Variants in LRP1B observed in about 807,000 individuals in gnomAD.
LRP1B encodes the protein low-density lipoprotein receptor-related protein 1B.
In LRP1B, 217 loss-of-function variants were observed where a neutral mutation model predicts 556.6. The observed-to-expected ratio is 0.39, with a 90% CI of 0.35 to 0.44. The LOEUF (loss-of-function observed/expected upper bound fraction) is 0.44, where lower values mean the gene tolerates loss of function less well. LRP1B is among the 20% of genes least tolerant of loss of function. LRP1B has a pLI of 1.00. For synonymous variants in LRP1B, 2,047 were observed against 1,865.8 expected (o/e 1.10, Z -2.50); for missense variants, 5,053 against 5,620.8 (o/e 0.90, Z 3.23).
intron 44 of LRP1B, among the ~76,000 whole-genome samples, chr2:140,541,577 A>G (rs1169241780): frequency 6.6e-6 from 1 of 152,150 alleles, no homozygotes; most frequent in African/African-American, 2.4e-5. Context: ...AATATTTCAG[A>G]TAATTTCAAT....
intron 2 of LRP1B, among the ~76,000 whole-genome samples, chr2:141,704,675 C>A (rs1391538341): frequency 6.6e-6 from 1 of 151,894 alleles, no homozygotes; most frequent in East Asian, 1.9e-4. Context: ...AGACTAGATG[C>A]CTGAAAGCAT....
chr2:141,311,001 G>C (rs1034126806), intron 3 of LRP1B, among the ~76,000 whole-genome samples: 1 of 152,068 alleles, frequency 6.6e-6, no homozygotes, highest in African/African-American at 2.4e-5. Flanking sequence ...TCCTTTTTCT[G>C]ATTCACAGCC....
chr2:140,721,899 A>G (rs951805397), intron 35 of LRP1B, among the ~76,000 whole-genome samples: 1 of 151,758 alleles, frequency 6.6e-6, no homozygotes, highest in Non-Finnish European at 1.5e-5. Flanking sequence ...TATATATTTA[A>G]GTATATAAAT....
chr2:140,466,404 A>G (rs967772318), intron 60 of LRP1B, among the ~76,000 whole-genome samples: 1 of 152,164 alleles, frequency 6.6e-6, no homozygotes, highest in African/African-American at 2.4e-5. Flanking sequence ...GCCCCCTCAC[A>G]ACACAAACTG....
At chr2:140,553,961 A>G (rs1680638944) in intron 43 of LRP1B, among the ~76,000 whole-genome samples, 1 of 152,102 alleles carries the variant, frequency 6.6e-6, no homozygotes, top group Admixed American at 6.6e-5. Context: ...GACGGGAAAG[A>G]GAGCCAGTTT....
intron 7 of LRP1B, among the ~76,000 whole-genome samples, chr2:141,166,600 G>A (rs1298645923): frequency 6.6e-6 from 1 of 150,764 alleles, no homozygotes. Context: ...TAATCACCCT[G>A]GTGTGCTATC....
intron 66 of LRP1B, among the ~76,000 whole-genome samples, chr2:140,391,856 G>A (rs184936949): frequency 1.1e-4 from 16 of 152,168 alleles, no homozygotes; most frequent in African/African-American, 3.6e-4. Context: ...TAATTAAAAT[G>A]AAACAGAATT....
chr2:141,702,323 C>G (rs1482005965), intron 2 of LRP1B, among the ~76,000 whole-genome samples: 1 of 151,788 alleles, frequency 6.6e-6, no homozygotes, highest in Non-Finnish European at 1.5e-5. Context: ...TTCTGGCAAA[C>G]TAGAGGGATG....
chr2:141,020,172 T>C (rs1020949481), intron 11 of LRP1B, 70 bp from the exon 12 acceptor site: 63 of 946,198 alleles, frequency 6.7e-5, no homozygotes, highest in Non-Finnish European at 8.8e-5. Flanking sequence ...TCACTACTAA[T>C]AGCTACCTAA....
intron 2 of LRP1B, among the ~76,000 whole-genome samples, chr2:141,600,898 G>A (rs1276399520): frequency 6.6e-6 from 1 of 152,010 alleles, no homozygotes; most frequent in African/African-American, 2.4e-5. Flanking sequence ...ACAGAACCTG[G>A]GGTCAGCTGC....
chr2:141,104,237 T>C (rs1277203649), intron 7 of LRP1B, among the ~76,000 whole-genome samples: 2 of 152,066 alleles, frequency 1.3e-5, no homozygotes, highest in Non-Finnish European at 2.9e-5. Context: ...GATTATGGCA[T>C]ATGTATCCCC....
chr2:141,022,582 A>T (rs1162734141), intron 11 of LRP1B, among the ~76,000 whole-genome samples: 1 of 151,904 alleles, frequency 6.6e-6, no homozygotes, highest in Non-Finnish European at 1.5e-5. Flanking sequence ...TGTACGTTTG[A>T]TATTTTATTC....
chr2:141,810,165 GAAGGAAAGAA>G, intron 2 of LRP1B, 104 bp downstream of exon 2: 1 of 365,314 alleles, frequency 2.7e-6, no homozygotes, highest in Non-Finnish European at 3.6e-6. Context: ...AAGAAAGAAA[GAAGGAAAGAA>G]AGAAAGAAAG....
intron 1 of LRP1B, among the ~76,000 whole-genome samples, chr2:142,086,639 A>C (rs1227739956): frequency 7.0e-4 from 33 of 47,140 alleles, no homozygotes; most frequent in African/African-American, 1.8e-3. Flanking sequence ...AAACAAACAA[A>C]CAAAAAAAAA....
chr2:141,102,283 C>T (rs954219236), intron 7 of LRP1B, among the ~76,000 whole-genome samples: 5 of 152,094 alleles, frequency 3.3e-5, no homozygotes, highest in Admixed American at 6.6e-5. Flanking sequence ...TAGAGCAACA[C>T]AGGCGATATA....
chr2:141,501,966 G>C (rs923723134), intron 2 of LRP1B, among the ~76,000 whole-genome samples: 4 of 151,988 alleles, frequency 2.6e-5, no homozygotes, highest in Admixed American at 6.6e-5. Context: ...GTGGAGGGAG[G>C]CACCAGCCTA....
chr2:140,720,849 A>C (rs1687375904), intron 35 of LRP1B, among the ~76,000 whole-genome samples: 1 of 152,062 alleles, frequency 6.6e-6, no homozygotes, highest in African/African-American at 2.4e-5. Context: ...TGCCAGGTAA[A>C]ATATAATATA....
chr2:140,813,912 T>G, intron 31 of LRP1B, 106 bp from the exon 32 acceptor site: 1 of 744,598 alleles, frequency 1.3e-6, no homozygotes, highest in Non-Finnish European at 2.2e-6. Flanking sequence ...AAAGTTCAGA[T>G]TTTTGTCTTT....
chr2:140,416,761 G>A (rs1433662336), intron 66 of LRP1B, among the ~76,000 whole-genome samples: 1 of 152,094 alleles, frequency 6.6e-6, no homozygotes, highest in Non-Finnish European at 1.5e-5. Context: ...GCATCTGGTG[G>A]CAGACTTTAA....
Sources: gnomAD v4.1 joint callset for allele counts (sites outside exome capture counted in the v4.1 genomes callset) on GRCh38, gnomAD v4.1.1 for gene constraint, MANE v1.5 for transcripts, NCBI Gene and HGNC (gene_info 2026-07-23, HGNC 2026-07-21) for gene names.